The following UBN1 variants were observed in gnomAD, a reference collection of about 807,000 sequenced individuals.
The protein encoded by UBN1 is ubinuclein-1.
In UBN1, 17 loss-of-function variants were observed where a neutral mutation model predicts 108.5. The observed-to-expected ratio is 0.16, with a 90% CI of 0.11 to 0.24. The LOEUF is 0.24. Ranked by LOEUF, UBN1 falls within the 10% of genes least tolerant of loss-of-function variation. UBN1 has a pLI of 1.00. For missense variants in UBN1, 1,595 were observed against 1,394.4 expected (o/e 1.14, Z -2.29); for synonymous variants, 726 against 564.2 (o/e 1.29, Z -4.07).
In UBN1 at chr16:4,873,061, A is replaced by T; in HGVS notation, c.1788A>T (p.Lys596Asn). ...LAKKKVMAPS[K>N]IKVKESSTKP... ...AGAAGAAAGTTATGGCCCCTTCTAA[A>T]ATCAAGGTGAAGGTGAGTCAGTTTG... is the stretch of plus-strand genomic sequence containing the variant. The change falls in exon 14 of 18, where the codon AAA (lysine) becomes AAT (asparagine). Residue 596 changes from lysine (K) to asparagine (N), a missense_variant. Physicochemically the swap from Lys to Asn is moderately conservative, Grantham distance 94 (BLOSUM62 0). Coordinates refer to ENST00000262376, the MANE Select transcript of UBN1 (RefSeq NM_001079514.3). 3 of 1,614,194 alleles carry T rather than the reference A, an allele frequency of 1.9e-6. No homozygotes were observed. Among genetic ancestry groups the T allele is most frequent in the Middle Eastern group, 3.3e-4 (2 of 6,062 alleles).
rs1465349002 is a variant in UBN1, at chr16:4,871,209, G to A, written c.1614G>A (p.Arg538=). The change falls in exon 12 of 18, where the codon AGG becomes AGA. Residue 538 remains arginine (R), a synonymous_variant. Transcript: ENST00000262376. ...KIKLESQDLE[R]NNKAQAWEDC... ...AACTGGAGAGCCAGGACCTGGAGAG[G>A]AACAACAAAGCCCAGGCTTGGGAGG... is the stretch of plus-strand genomic sequence containing the variant. 2.5e-6 allele frequency: 4 copies of A among 1,614,118 alleles called. No homozygotes were observed. The highest frequency in any genetic ancestry group is 1.3e-5 in the African/African-American group (1 of 74,950).
At position 4,874,667 on chromosome 16, in the gene UBN1, A is replaced by G. The variant is rs776888768; in HGVS notation, c.2257A>G (p.Lys753Glu). ...GGCACTGGGGCAGTCCTCTCAGGAGAAAAAACCAGAGAGTTCTGGCTACAA... is the reference window on the plus strand; with the variant it reads ...GGCACTGGGGCAGTCCTCTCAGGAGGAAAAACCAGAGAGTTCTGGCTACAA... The part of the protein sequence containing the change: ...ALALGQSSQE[K>E]KPESSGYKEL... The change falls in exon 15 of 18, where the codon AAA becomes GAA. Residue 753 changes from lysine to glutamate, a missense_variant. Physicochemically the swap from Lys to Glu is moderately conservative, Grantham distance 56. Transcript: ENST00000262376. 6 of 1,614,166 alleles carry G rather than the reference A, an allele frequency of 3.7e-6. No homozygotes were observed. The South Asian group carries it at 5.5e-5, about 15-fold the overall frequency.
rs745807160 is a variant in UBN1, at chr16:4,874,267, C to G, written c.1857C>G (p.Gly619=). The G allele has an allele frequency of 1.2e-5, 20 of 1,611,776 alleles. No homozygotes were observed. The highest frequency in any genetic ancestry group is 1.5e-5 in the Non-Finnish European group (18 of 1,178,734). The part of the protein sequence containing the change: ...KVSVPSGQIG[G]PIALPSDHQT... ...CTGTCCCATCAGGACAGATTGGTGG[C>G]CCCATTGCTTTGCCCTCAGATCACC... Residue 619 remains glycine, a synonymous_variant, in exon 15 of 18, where the codon GGC becomes GGG. Transcript: ENST00000262376.
intron 7 of UBN1, among the ~76,000 whole-genome samples, chr16:4,868,494 A>G (rs1016123640): frequency 1.3e-5 from 2 of 152,230 alleles, no homozygotes; most frequent in African/African-American, 4.8e-5. Context: ...TGGAAATCCC[A>G]ACTAATGGTG....
rs777320092 is a variant in UBN1, at chr16:4,853,174, C to T, written c.249+8C>T. On this transcript the variant is annotated splice_region_variant and intron_variant, in intron 2 of 17. Transcript: ENST00000262376. Reference sequence around the variant, plus strand: ...CTTCAGCCTGGAGATAAGGTACACCCCTTTGTTCCCAGAGGCGCTGCAGGT... The same window carrying T: ...CTTCAGCCTGGAGATAAGGTACACCTCTTTGTTCCCAGAGGCGCTGCAGGT... 21 of 1,613,706 alleles carry T rather than the reference C, an allele frequency of 1.3e-5. No homozygotes were observed. Among genetic ancestry groups the T allele is most frequent in the Non-Finnish European group, 1.8e-5 (21 of 1,179,912 alleles).
In UBN1 at chr16:4,858,960, C is replaced by T. The variant is rs963069463; in HGVS notation, c.433-65C>T. On this transcript the variant is annotated intron_variant, in intron 4 of 17. Coordinates refer to ENST00000262376, the MANE Select transcript of UBN1 (RefSeq NM_001079514.3). ...GAGCACAGTCACATCTCTCTCGAGA[C>T]CCACTTTGCACCTTCGGACTGCAGA... 7 of 1,579,276 alleles carry T rather than the reference C, an allele frequency of 4.4e-6. No individual in the cohort carries two copies. In the Admixed American group the frequency reaches 9.2e-5, roughly 21 times the overall value.
At chr16:4,871,011 G>T (rs776043873) in intron 11 of UBN1, 39 bp downstream of exon 11, 2 of 1,612,098 alleles carry the variant, frequency 1.2e-6, no homozygotes, top group African/African-American at 1.3e-5. Context: ...TGGAGGGTTG[G>T]TGGGGCAGTG....
In UBN1 at chr16:4,869,034, T is replaced by C. The variant is rs1158984071; in HGVS notation, c.1181+131T>C. The C allele has an allele frequency of 4.8e-6, 4 of 831,940 alleles. No individual in the cohort carries two copies. The African/African-American group carries it at 7.0e-5, about 15-fold the overall frequency. 51.5% of individuals were successfully genotyped at this position (831,940 alleles called of 1,614,324 possible). A position where few individuals can be genotyped will look rare whatever the true frequency, so the allele number is the denominator to read the frequency against. ...GACCACCAAGGAGATAAAAGAAGAA[T>C]TGGATTAACATGGTTTCATTGTTAT... is the stretch of plus-strand genomic sequence containing the variant. On this transcript the variant is annotated intron_variant, in intron 8 of 17. Transcript: ENST00000262376.
Position 4,877,057 on chromosome 16 carries a change from G to A in UBN1, c.3211G>A (p.Asp1071Asn), listed in dbSNP as rs759745635. 2.5e-6 allele frequency: 4 copies of A among 1,614,142 alleles called. No homozygotes were observed. Among genetic ancestry groups the A allele is most frequent in the Middle Eastern group, 3.3e-4 (2 of 6,062 alleles). The change falls in exon 16 of 18, where the codon GAT becomes AAT. Residue 1071 changes from aspartate (D) to asparagine (N), a missense_variant. Around this residue, in one of 3 missense-constraint regions of UBN1, gnomAD observed 1,398 missense variants for 1,194.7 expected, o/e 1.17. Coordinates refer to ENST00000262376, the MANE Select transcript of UBN1 (RefSeq NM_001079514.3). The surrounding 1 kb of genome is among the most constrained non-coding windows in gnomAD (Gnocchi z 4.3). The part of the protein sequence containing the change: ...DSSAKAGVSK[D>N]AIVTGPAPGS... ...CTCTGCCAAAGCAGGGGTCTCCAAG[G>A]ATGCCATCGTCACAGGCCCTGCCCC...
rs773158202 is a variant in UBN1 at position 4,868,856 on chromosome 16, G to C, written c.1134G>C (p.Glu378Asp). 9 of 1,613,776 alleles carry C rather than the reference G, an allele frequency of 5.6e-6. No individual in the cohort carries two copies. Among genetic ancestry groups the C allele is most frequent in the Middle Eastern group, 1.6e-4 (1 of 6,074 alleles). ...AGGCTGCCAGAGCTGCTGAGGGGGA[G>C]AGCAGACAGAAGTTCTTCACCCAGG... is the stretch of plus-strand genomic sequence containing the variant. ...LAQAARAAEG[E>D]SRQKFFTQDI... The change falls in exon 8 of 18, where the codon GAG becomes GAC. Residue 378 changes from glutamate to aspartate, a missense_variant. Coordinates refer to ENST00000262376, the MANE Select transcript of UBN1 (RefSeq NM_001079514.3).
chr16:4,849,475 GAT>G (rs140151187), intron 1 of UBN1, among the ~76,000 whole-genome samples: 10 of 150,756 alleles, frequency 6.6e-5, no homozygotes, highest in African/African-American at 1.7e-4. Flanking sequence ...TTTAGAAGGA[GAT>G]ATATATATAT....
In UBN1 at chr16:4,877,857, A is replaced by G. The variant is rs1459653082; in HGVS notation, c.3355+383A>G. 5.0e-6 allele frequency: 5 copies of G among 998,712 alleles called. No individual in the cohort carries two copies. In the Admixed American group the frequency reaches 1.8e-4, roughly 36 times the overall value. The allele number at this position is 998,712 out of a possible 1,614,324, so 61.9% of individuals were successfully genotyped here. ...CTTCTCCAAGGGCTAATTGGGTACA[A>G]CAAGGTCTTGGAATGCAAGCTGCTC... On this transcript the variant is annotated intron_variant, in intron 17 of 17. Coordinates refer to ENST00000262376, the MANE Select transcript of UBN1 (RefSeq NM_001079514.3). This position sits in a 1 kb window ranked among gnomAD's most constrained non-coding sequence, Gnocchi z 4.3.
At chr16:4,856,426 A>G (rs2086813583) in intron 2 of UBN1, among the ~76,000 whole-genome samples, 1 of 152,226 alleles carries the variant, frequency 6.6e-6, no homozygotes, top group Non-Finnish European at 1.5e-5. Context: ...AATAGTATGA[A>G]GGCATTGTGC....
In UBN1 at chr16:4,876,879, G is replaced by A. The variant is rs755527021; in HGVS notation, c.3033G>A (p.Ala1011=). 15 of 1,602,754 alleles carry A rather than the reference G, an allele frequency of 9.4e-6. No homozygotes were observed. The highest frequency in any genetic ancestry group is 5.6e-5 in the South Asian group (5 of 89,266). ...CTGTGTTTCTTCCCTAGAAAGGAGCGAGTGGGACTGTGCTGCTGGCCGGCT... is the reference window on the plus strand; with the variant it reads ...CTGTGTTTCTTCCCTAGAAAGGAGCAAGTGGGACTGTGCTGCTGGCCGGCT... ...VTSSTSLSKG[A]SGTVLLAGSS... The change falls in exon 16 of 18, where the codon GCG becomes GCA. Residue 1011 remains alanine (A), a synonymous_variant. Transcript: ENST00000262376.
Position 4,877,902 on chromosome 16 carries a change from T to G in UBN1, c.3355+428T>G. 5.5e-6 allele frequency: 5 copies of G among 904,396 alleles called. No homozygotes were observed. Among genetic ancestry groups the G allele is most frequent in the Non-Finnish European group, 6.6e-6 (5 of 755,368 alleles). The allele number at this position is 904,396 out of a possible 1,614,324, so 56.0% of individuals were successfully genotyped here. A position where few individuals can be genotyped will look rare whatever the true frequency, so the allele number is the denominator to read the frequency against. On this transcript the variant is annotated intron_variant, in intron 17 of 17. Transcript: ENST00000262376. The surrounding 1 kb of genome is among the most constrained non-coding windows in gnomAD (Gnocchi z 4.3). ...CTGCTCCACTGTCAGATGTGATTGC[T>G]TAACAGAAGGCTCTCTAAACTTTGT...
intron 14 of UBN1, among the ~76,000 whole-genome samples, chr16:4,873,895 C>T (rs1309814026): frequency 1.3e-5 from 2 of 152,212 alleles, no homozygotes; most frequent in African/African-American, 2.4e-5. Flanking sequence ...TGCCAGTAGG[C>T]AGAGTATCTC....
chr16:4,873,420 G>A (rs1303255453), intron 14 of UBN1, among the ~76,000 whole-genome samples: 2 of 152,184 alleles, frequency 1.3e-5, no homozygotes. Context: ...GTGCAGTTTA[G>A]CTTGGAGCCA....
Position 4,877,595 on chromosome 16 carries a change from T to A in UBN1, c.3355+121T>A. ...GCCTTGACGCTGTTGTTGTTTTGGT[T>A]TGTCCTTTGAGGCTGTGCTTTGTCA... On this transcript the variant is annotated intron_variant, in intron 17 of 17. Transcript: ENST00000262376. The surrounding 1 kb of genome is among the most constrained non-coding windows in gnomAD (Gnocchi z 4.3). 1 of 1,438,060 alleles carries A rather than the reference T, an allele frequency of 7.0e-7. No individual in the cohort carries two copies. The highest frequency in any genetic ancestry group is 9.1e-7 in the Non-Finnish European group (1 of 1,099,930). 89.1% of individuals were successfully genotyped at this position (1,438,060 alleles called of 1,614,324 possible).
At chr16:4,871,105 G>C (rs769085591) in intron 11 of UBN1, 50 bp from the exon 12 acceptor site, 1 of 1,609,928 alleles carries the variant, frequency 6.2e-7, no homozygotes. Flanking sequence ...TGGAACCTTG[G>C]AGCAGCATCT....
Sources: allele counts gnomAD v4.1 joint callset (sites outside exome capture counted in the v4.1 genomes callset), GRCh38; gene constraint gnomAD v4.1.1; regional missense constraint gnomAD v4.1.1; non-coding constraint Gnocchi (gnomAD v3.1); transcripts MANE v1.5; gene names NCBI Gene and HGNC (gene_info 2026-07-23, HGNC 2026-07-21).